Variants in ENTREP2 observed in about 807,000 individuals in gnomAD.
ENTREP2 encodes endosomal transmembrane epsin interactor 2.
the ENTREP2 span, among the ~76,000 whole-genome samples, chr15:29,339,940 T>C: frequency 6.6e-6 from 1 of 152,248 alleles, no homozygotes; most frequent in Non-Finnish European, 1.5e-5. Flanking sequence ...GATAGATATT[T>C]TTGCCATACA....
chr15:29,458,309 G>A, the ENTREP2 span, among the ~76,000 whole-genome samples: 2 of 152,130 alleles, frequency 1.3e-5, no homozygotes, highest in African/African-American at 4.8e-5. Context: ...GCCCAAACTG[G>A]CAAGGGCAGA....
the ENTREP2 span, among the ~76,000 whole-genome samples, chr15:29,498,637 AATGTTCTGT>A: frequency 6.6e-6 from 1 of 151,952 alleles, no homozygotes; most frequent in Admixed American, 6.5e-5. Context: ...TGTTGAATAG[AATGTTCTGT>A]ATTTCTGTAT....
At chr15:29,399,079 C>G in the ENTREP2 span, among the ~76,000 whole-genome samples, 1 of 152,186 alleles carries the variant, frequency 6.6e-6, no homozygotes, top group Admixed American at 6.5e-5. Flanking sequence ...GGTGAGATGC[C>G]TCTAAGAGCT....
At chr15:29,154,522 C>T in the ENTREP2 span, among the ~76,000 whole-genome samples, 4 of 151,974 alleles carry the variant, frequency 2.6e-5, no homozygotes, top group Non-Finnish European at 5.9e-5. Flanking sequence ...TACAAGTGTA[C>T]AAAATACTGG....
At chr15:29,584,360 A>T in the ENTREP2 span, among the ~76,000 whole-genome samples, 6 of 152,308 alleles carry the variant, frequency 3.9e-5, no homozygotes, top group African/African-American at 1.2e-4. Context: ...TCATTGCAGC[A>T]TTATTCACAA....
the ENTREP2 span, among the ~76,000 whole-genome samples, chr15:29,409,616 T>C: frequency 7.2e-6 from 1 of 139,738 alleles, no homozygotes; most frequent in Non-Finnish European, 1.5e-5. Flanking sequence ...TGAGCCACCG[T>C]GCCCGGCCTA....
the ENTREP2 span, among the ~76,000 whole-genome samples, chr15:29,454,455 G>GC: frequency 2.0e-5 from 3 of 152,138 alleles, no homozygotes; most frequent in Admixed American, 2.0e-4. Flanking sequence ...GACTTCCATT[G>GC]CAAGTAGAGT....
At chr15:29,190,501 A>G in the ENTREP2 span, among the ~76,000 whole-genome samples, 1 of 152,064 alleles carries the variant, frequency 6.6e-6, no homozygotes, top group Non-Finnish European at 1.5e-5. Flanking sequence ...CTGGATTCCA[A>G]ATTTATTCCT....
At chr15:29,490,514 G>C in the ENTREP2 span, among the ~76,000 whole-genome samples, 3 of 152,150 alleles carry the variant, frequency 2.0e-5, no homozygotes, top group African/African-American at 7.2e-5. Context: ...CCATTTTACA[G>C]AGAGCTGATT....
chr15:29,652,590 C>G, the ENTREP2 span, among the ~76,000 whole-genome samples: 1 of 152,254 alleles, frequency 6.6e-6, no homozygotes, highest in Non-Finnish European at 1.5e-5. Context: ...GTGACTCCCT[C>G]TTTGAGGCCC....
the ENTREP2 span, among the ~76,000 whole-genome samples, chr15:29,456,576 A>G: frequency 6.6e-6 from 1 of 152,338 alleles, no homozygotes; most frequent in South Asian, 2.1e-4. Flanking sequence ...AGGGGTTGGC[A>G]AGGTGCAAGG....
the ENTREP2 span, among the ~76,000 whole-genome samples, chr15:29,278,422 A>G: frequency 6.6e-6 from 1 of 152,178 alleles, no homozygotes; most frequent in Admixed American, 6.5e-5. Flanking sequence ...TTCTGAGAAT[A>G]GTCCTCCAAG....
the ENTREP2 span, among the ~76,000 whole-genome samples, chr15:29,262,258 A>G: frequency 6.6e-6 from 1 of 152,306 alleles, no homozygotes; most frequent in African/African-American, 2.4e-5. Context: ...GCCTCAGGCA[A>G]CAGAATCTCT....
the ENTREP2 span, among the ~76,000 whole-genome samples, chr15:29,264,089 A>G: frequency 2.2e-5 from 3 of 138,942 alleles, no homozygotes; most frequent in Admixed American, 7.8e-5. Flanking sequence ...CAGGAGGCGG[A>G]GATTGCAGTG....
the ENTREP2 span, among the ~76,000 whole-genome samples, chr15:29,149,651 A>G: frequency 6.6e-6 from 1 of 152,144 alleles, no homozygotes; most frequent in Non-Finnish European, 1.5e-5. Flanking sequence ...AGCCGAGGAA[A>G]CGGGGTCCCA....
the ENTREP2 span, among the ~76,000 whole-genome samples, chr15:29,273,285 G>A: frequency 1.5e-4 from 22 of 146,552 alleles, no homozygotes; most frequent in Non-Finnish European, 2.5e-4. Flanking sequence ...TGCAACCTCC[G>A]CCTCCTGGGT....
the ENTREP2 span, among the ~76,000 whole-genome samples, chr15:29,415,086 G>A: frequency 6.6e-6 from 1 of 152,156 alleles, no homozygotes; most frequent in Admixed American, 6.5e-5. Context: ...AGGAGGAGCT[G>A]GTACCATTCC....
chr15:29,485,104 A>G, the ENTREP2 span, among the ~76,000 whole-genome samples: 2 of 152,190 alleles, frequency 1.3e-5, no homozygotes, highest in East Asian at 1.9e-4. Context: ...CCAAGGGTCC[A>G]TCCTCCACAA....
the ENTREP2 span, among the ~76,000 whole-genome samples, chr15:29,585,401 C>T: frequency 6.6e-6 from 1 of 152,082 alleles, no homozygotes; most frequent in Non-Finnish European, 1.5e-5. Context: ...GCAGAGATGC[C>T]CAACATCATC....
Sources: gnomAD v4.1 joint callset for allele counts (sites outside exome capture counted in the v4.1 genomes callset) on GRCh38, gnomAD v4.1.1 for gene constraint, MANE v1.5 for transcripts, NCBI Gene and HGNC (gene_info 2026-07-23, HGNC 2026-07-21) for gene names.